The following KIRREL3 variants were observed in gnomAD, a reference collection of about 807,000 sequenced individuals.
KIRREL3 encodes kin of IRRE-like protein 3.
KIRREL3 carries 36 observed loss-of-function variants against 89.7 expected under a neutral mutation model. The ratio of observed to expected loss-of-function variants is 0.40; its 90% CI spans 0.31 to 0.53. The LOEUF (loss-of-function observed/expected upper bound fraction) is 0.53, where lower values mean the gene tolerates loss of function less well. Among genes scored for constraint, KIRREL3 ranks in the 20% least tolerant of loss-of-function variants. The pLI, the probability that KIRREL3 is intolerant of heterozygous loss-of-function variation, is 0.49. For missense variants in KIRREL3, 864 were observed against 1,056.6 expected (o/e 0.82, Z 2.53); for synonymous variants, 445 against 441.4 (o/e 1.01, Z -0.10).
At chr11:126,693,452 A>T (rs774482764) in intron 1 of KIRREL3, among the ~76,000 whole-genome samples, 6 of 152,128 alleles carry the variant, frequency 3.9e-5, no homozygotes, top group Non-Finnish European at 7.3e-5. Context: ...CAAAAAAACA[A>T]CAAAAAAACT....
intron 1 of KIRREL3, among the ~76,000 whole-genome samples, chr11:126,971,755 C>A (rs1393040357): frequency 6.6e-6 from 1 of 152,126 alleles, no homozygotes; most frequent in Non-Finnish European, 1.5e-5. Context: ...TCCTATAGTC[C>A]ATTCAAAAAG....
At chr11:126,460,993 T>G (rs902725919) in intron 6 of KIRREL3, among the ~76,000 whole-genome samples, 2 of 152,094 alleles carry the variant, frequency 1.3e-5, no homozygotes, top group Non-Finnish European at 2.9e-5. Context: ...AGCCTGGAAG[T>G]AGGAAGCTTG....
chr11:126,713,959 G>C (rs531641407), intron 1 of KIRREL3, among the ~76,000 whole-genome samples: 7 of 152,270 alleles, frequency 4.6e-5, no homozygotes, highest in African/African-American at 1.7e-4. Context: ...GACCAAATTT[G>C]ATTCCCTGAC....
chr11:126,919,783 T>C (rs1454949271), intron 1 of KIRREL3, among the ~76,000 whole-genome samples: 1 of 151,990 alleles, frequency 6.6e-6, no homozygotes, highest in Non-Finnish European at 1.5e-5. Context: ...GCAAAGAAGT[T>C]TTAGAGGTTA....
rs1301549763 is a variant in KIRREL3 at position 126,719,201 on chromosome 11, A to G, written c.56-156289T>C. On this transcript the variant is annotated intron_variant, in intron 1 of 16. Transcript: ENST00000525144. The surrounding 1 kb of genome is among the most constrained non-coding windows in gnomAD (Gnocchi z 4.7). ...TATTCTGGTTTTGTCTCAAATCTAA[A>G]AATACGCCACTGAAACGGCTTCTTC... 6.6e-6 allele frequency among the ~76,000 whole-genome samples: 1 copy of G among 152,088 alleles called. No homozygotes were observed. The highest frequency in any genetic ancestry group is 1.5e-5 in the Non-Finnish European group (1 of 68,022).
chr11:126,424,718 G>GCTGCTGA lies in KIRREL3; in HGVS notation c.2192_2198dup (p.Ser734GlnfsTer34). The stretch of plus-strand genomic sequence containing the variant: ...GCACATAGCCATCCTGCTTGCCGCT[G>GCTGCTGA]CTGCTGACGCTGCTGTCACACTGCG... On this transcript the variant is annotated frameshift_variant, in exon 17 of 17. Coordinates refer to ENST00000525144, the MANE Select transcript of KIRREL3 (RefSeq NM_032531.4). LOFTEE classifies it high-confidence loss of function. The GCTGCTGA allele has an allele frequency of 6.2e-7, 1 of 1,614,038 alleles. No homozygotes were observed. The highest frequency in any genetic ancestry group is 8.5e-7 in the Non-Finnish European group (1 of 1,179,892).
rs544623146 is a variant in KIRREL3, at chr11:126,953,310, C to T, written c.55+47145G>A. 2.4e-4 allele frequency among the ~76,000 whole-genome samples: 36 copies of T among 149,806 alleles called. No individual in the cohort carries two copies. In the South Asian group the frequency reaches 7.4e-3, roughly 31 times the overall value. ...AGAACACATGGACACAGGGAGGGGACATCATACACCGGGGCTTGTTGTGGG... is the reference window on the plus strand; with the variant it reads ...AGAACACATGGACACAGGGAGGGGATATCATACACCGGGGCTTGTTGTGGG... On this transcript the variant is annotated intron_variant, in intron 1 of 16. Transcript: ENST00000525144. This position sits in a 1 kb window ranked among gnomAD's most constrained non-coding sequence, Gnocchi z 5.2.
In KIRREL3 at chr11:126,860,033, T is replaced by C. The variant is rs148910148; in HGVS notation, c.55+140422A>G. The stretch of plus-strand genomic sequence containing the variant: ...TGTATTAACTCTGACGTTCTACTAT[T>C]GTCTGAGAAGCGTAATCTGAAAGGG... On this transcript the variant is annotated intron_variant, in intron 1 of 16. Transcript: ENST00000525144. This position sits in a 1 kb window ranked among gnomAD's most constrained non-coding sequence, Gnocchi z 4.6. Among the ~76,000 whole-genome samples, 3 of 152,358 alleles carry C rather than the reference T, an allele frequency of 2.0e-5. No homozygotes were observed. The East Asian group carries it at 5.8e-4, about 29-fold the overall frequency.
rs143018312 is a variant in KIRREL3 at position 126,958,561 on chromosome 11, A to G, written c.55+41894T>C. Among the ~76,000 whole-genome samples, 228 of 152,332 alleles carry G rather than the reference A, an allele frequency of 1.5e-3. 2 individuals carry two copies. Among genetic ancestry groups the G allele is most frequent in the African/African-American group, 5.1e-3 (210 of 41,584 alleles). ...TCACTCTTTCATTCTATCCAGGGAT[A>G]TGCCTGCCTCTTTCACTAAATTTGA... On this transcript the variant is annotated intron_variant, in intron 1 of 16. Transcript: ENST00000525144.
intron 1 of KIRREL3, among the ~76,000 whole-genome samples, chr11:126,836,904 A>G (rs2134507878): frequency 6.6e-6 from 1 of 152,174 alleles, no homozygotes; most frequent in Non-Finnish European, 1.5e-5. Context: ...CAACAAACTT[A>G]TTTGTGTGCT....
At chr11:126,638,812 C>T (rs1261896701) in intron 1 of KIRREL3, among the ~76,000 whole-genome samples, 1 of 152,094 alleles carries the variant, frequency 6.6e-6, no homozygotes, top group Non-Finnish European at 1.5e-5. Flanking sequence ...TGTGAAAGGA[C>T]TTTAGTCTTC....
intron 1 of KIRREL3, among the ~76,000 whole-genome samples, chr11:126,577,858 G>A (rs1386825522): frequency 1.3e-5 from 2 of 152,014 alleles, no homozygotes; most frequent in Non-Finnish European, 2.9e-5. Flanking sequence ...GTGTGAAACT[G>A]CCCAGTTCTA....
In KIRREL3 at chr11:126,709,429, G is replaced by A. The variant is rs1205028302; in HGVS notation, c.56-146517C>T. The stretch of plus-strand genomic sequence containing the variant: ...TCACACCTAACTGGCTAAAGTACAG[G>A]CAAACACCTGCTAATGAGTGGTGGT... On this transcript the variant is annotated intron_variant, in intron 1 of 16. Transcript: ENST00000525144. This position sits in a 1 kb window ranked among gnomAD's most constrained non-coding sequence, Gnocchi z 4.0. Among the ~76,000 whole-genome samples, 1 of 152,182 alleles carries A rather than the reference G, an allele frequency of 6.6e-6. No homozygotes were observed. Among genetic ancestry groups the A allele is most frequent in the Non-Finnish European group, 1.5e-5 (1 of 68,020 alleles).
chr11:126,965,986 G>A lies in KIRREL3; in HGVS notation c.55+34469C>T, dbSNP rs888033022. Among the ~76,000 whole-genome samples, 1 of 152,098 alleles carries A rather than the reference G, an allele frequency of 6.6e-6. No homozygotes were observed. Among genetic ancestry groups the A allele is most frequent in the African/African-American group, 2.4e-5 (1 of 41,414 alleles). ...TTAAATCTTTGGAAGGAACAAATGG[G>A]GTCTTGAGAGTGTGACCATTTGGTT... On this transcript the variant is annotated intron_variant, in intron 1 of 16. Coordinates refer to ENST00000525144, the MANE Select transcript of KIRREL3 (RefSeq NM_032531.4). This position sits in a 1 kb window ranked among gnomAD's most constrained non-coding sequence, Gnocchi z 4.4.
chr11:126,858,646 A>ATGTG (rs758384921), intron 1 of KIRREL3, among the ~76,000 whole-genome samples: 14 of 151,178 alleles, frequency 9.3e-5, no homozygotes, highest in Non-Finnish European at 1.6e-4. Context: ...AGTGTCTGTG[A>ATGTG]TGTGTGTGTG....
intron 1 of KIRREL3, among the ~76,000 whole-genome samples, chr11:126,699,811 C>T (rs377316448): frequency 6.6e-5 from 10 of 152,052 alleles, no homozygotes; most frequent in South Asian, 2.1e-4. Flanking sequence ...TTTAGGCCCG[C>T]GAAGTAATTC....
chr11:126,607,983 C>A lies in KIRREL3; in HGVS notation c.56-45071G>T, dbSNP rs372053126. On this transcript the variant is annotated intron_variant, in intron 1 of 16. Transcript: ENST00000525144. The surrounding 1 kb of genome is among the most constrained non-coding windows in gnomAD (Gnocchi z 6.6). ...GCAGCAAGGGCCCGAGGAACGAGCA[C>A]GTCAGCTGTCTCCAGGGCCTTTCTC... Among the ~76,000 whole-genome samples, 2 of 152,322 alleles carry A rather than the reference C, an allele frequency of 1.3e-5. No homozygotes were observed. The highest frequency in any genetic ancestry group is 1.5e-5 in the Non-Finnish European group (1 of 68,030).
intron 1 of KIRREL3, among the ~76,000 whole-genome samples, chr11:126,707,493 T>C (rs1947579245): frequency 6.6e-6 from 1 of 152,144 alleles, no homozygotes; most frequent in African/African-American, 2.4e-5. Context: ...ATATACTAAC[T>C]GCCCAGGTAT....
rs1312845140 is a variant in KIRREL3, at chr11:126,985,648, G to A, written c.55+14807C>T. 2.0e-5 allele frequency among the ~76,000 whole-genome samples: 3 copies of A among 152,096 alleles called. No individual in the cohort carries two copies. The highest frequency in any genetic ancestry group is 2.9e-5 in the Non-Finnish European group (2 of 68,030). On this transcript the variant is annotated intron_variant, in intron 1 of 16. Coordinates refer to ENST00000525144, the MANE Select transcript of KIRREL3 (RefSeq NM_032531.4). This position sits in a 1 kb window ranked among gnomAD's most constrained non-coding sequence, Gnocchi z 5.3. ...CAGAGCACATTCGGACAATGTCAGC[G>A]GCTCCGTGTGTTGGAGTAAAGGGGC...
Sources: gnomAD v4.1 joint callset for allele counts (sites outside exome capture counted in the v4.1 genomes callset) on GRCh38, gnomAD v4.1.1 for gene constraint, Gnocchi (gnomAD v3.1) non-coding constraint, MANE v1.5 for transcripts, NCBI Gene and HGNC (gene_info 2026-07-23, HGNC 2026-07-21) for gene names.